The following FCHSD2 variants were observed in gnomAD, a reference collection of about 807,000 sequenced individuals.
FCHSD2 encodes F-BAR and double SH3 domains protein 2.
FCHSD2 carries 38 observed loss-of-function variants against 108.1 expected under a neutral mutation model. The observed-to-expected ratio is 0.35, with a 90% confidence interval of 0.27 to 0.46. The LOEUF (loss-of-function observed/expected upper bound fraction) is 0.46, where lower values mean the gene tolerates loss of function less well. Among genes scored for constraint, FCHSD2 ranks in the 20% least tolerant of loss-of-function variants. FCHSD2 has a pLI of 1.00. For missense variants in FCHSD2, 751 were observed against 897.8 expected (o/e 0.84, Z 2.09); for synonymous variants, 279 against 314.7 (o/e 0.89, Z 1.20).
At chr11:73,033,643 GTTAA>G (rs1202716585) in intron 3 of FCHSD2, among the ~76,000 whole-genome samples, 4 of 152,148 alleles carry the variant, frequency 2.6e-5, no homozygotes, top group African/African-American at 7.2e-5. Context: ...ATAAAACTAT[GTTAA>G]TTAAATACTC....
chr11:72,935,813 CAAAT>C (rs923783861), intron 8 of FCHSD2, among the ~76,000 whole-genome samples: 1 of 152,084 alleles, frequency 6.6e-6, no homozygotes, highest in African/African-American at 2.4e-5. Context: ...AAAGAGGAAA[CAAAT>C]AAGGAAGTTT....
At chr11:72,861,644 G>A (rs190337763) in intron 13 of FCHSD2, among the ~76,000 whole-genome samples, 1 of 152,186 alleles carries the variant, frequency 6.6e-6, no homozygotes, top group East Asian at 1.9e-4. Flanking sequence ...ATATAGAAAG[G>A]ATAGGCCGGG....
chr11:72,977,499 C>A (rs1163275127), intron 8 of FCHSD2, among the ~76,000 whole-genome samples: 1 of 152,102 alleles, frequency 6.6e-6, no homozygotes, highest in Admixed American at 6.5e-5. Context: ...AAAAAAAAAT[C>A]TAATAATCTG....
rs80015550 is a variant in FCHSD2 at position 73,088,548 on chromosome 11, C to G, written c.120-4808G>C. ...TATTATAGGCTTCCTTTACTTTCTT[C>G]TTTTGCTTTCCATAATTTCTGGTGT... is the stretch of plus-strand genomic sequence containing the variant. On this transcript the variant is annotated intron_variant, in intron 2 of 19. Coordinates refer to ENST00000409418, the MANE Select transcript of FCHSD2 (RefSeq NM_014824.3). Among the ~76,000 whole-genome samples, 1,491 of 151,964 alleles carry G rather than the reference C, an allele frequency of 9.8e-3. 20 individuals are homozygous for G. The highest frequency in any genetic ancestry group is 0.034 in the African/African-American group (1,419 of 41,426).
At chr11:73,094,843 G>A (rs376612008) in intron 2 of FCHSD2, among the ~76,000 whole-genome samples, 26 of 152,228 alleles carry the variant, frequency 1.7e-4, no homozygotes, top group African/African-American at 5.3e-4. Flanking sequence ...CTAAAATGAT[G>A]ACCTGAGAAT....
At chr11:72,996,640 C>T (rs973600231) in intron 5 of FCHSD2, among the ~76,000 whole-genome samples, 4 of 151,898 alleles carry the variant, frequency 2.6e-5, no homozygotes, top group Non-Finnish European at 1.5e-5. Flanking sequence ...AGAAAATAGT[C>T]AAATTAGAGA....
chr11:73,136,285 A>T (rs1264449182), intron 2 of FCHSD2, among the ~76,000 whole-genome samples: 1 of 152,036 alleles, frequency 6.6e-6, no homozygotes, highest in Non-Finnish European at 1.5e-5. Flanking sequence ...TTTTTCAATG[A>T]TATAAAAACT....
intron 3 of FCHSD2, among the ~76,000 whole-genome samples, chr11:73,020,020 A>G (rs1251797636): frequency 2.0e-5 from 3 of 152,212 alleles, no homozygotes; most frequent in Admixed American, 2.0e-4. Flanking sequence ...AGCATCACTG[A>G]TGCATAATGC....
chr11:72,841,473 G>A lies in FCHSD2; in HGVS notation c.2037C>T (p.Pro679=), dbSNP rs1860942388. The A allele has an allele frequency of 1.9e-6, 3 of 1,611,110 alleles. No homozygotes were observed. The highest frequency in any genetic ancestry group is 1.7e-5 in the Admixed American group (1 of 59,552). The change falls in exon 18 of 20, where the codon CCC becomes CCT. Residue 679 remains proline (P), a synonymous_variant. Coordinates refer to ENST00000409418, the MANE Select transcript of FCHSD2 (RefSeq NM_014824.3). The part of the protein sequence containing the change: ...SPDKRSSLYF[P]RSPSANEKSL... The stretch of plus-strand genomic sequence containing the variant: ...CCTTACCGTTTGCTGAAGGAGACCG[G>A]GGAAAGTACAGGGAGCTCCTCTTAT...
chr11:72,880,404 C>G (rs552689086), intron 12 of FCHSD2, among the ~76,000 whole-genome samples: 57 of 152,056 alleles, frequency 3.7e-4, no homozygotes, highest in Non-Finnish European at 7.8e-4. Context: ...CAAATACAGA[C>G]ACACAGACCA....
intron 10 of FCHSD2, among the ~76,000 whole-genome samples, chr11:72,896,344 T>TTAGA (rs1855417483): frequency 1.3e-5 from 2 of 152,224 alleles, no homozygotes; most frequent in Non-Finnish European, 2.9e-5. Context: ...TAGATCATAC[T>TTAGA]TATCTAAGTT....
intron 5 of FCHSD2, among the ~76,000 whole-genome samples, chr11:72,990,896 C>T (rs546992185): frequency 5.2e-4 from 79 of 152,190 alleles, no homozygotes; most frequent in Non-Finnish European, 9.1e-4. Context: ...CAAAAAAACC[C>T]TTCACAAAAA....
intron 9 of FCHSD2, among the ~76,000 whole-genome samples, chr11:72,912,284 T>C (rs745896145): frequency 6.6e-6 from 1 of 152,222 alleles, no homozygotes; most frequent in Non-Finnish European, 1.5e-5. Flanking sequence ...GTGGGTCTGT[T>C]ATACATGGCT....
At chr11:72,849,148 C>T (rs952287298) in intron 14 of FCHSD2, among the ~76,000 whole-genome samples, 6 of 152,128 alleles carry the variant, frequency 3.9e-5, no homozygotes, top group Non-Finnish European at 8.8e-5. Context: ...GATAGCCTTC[C>T]GCATTGCCCC....
At chr11:73,021,200 C>A (rs1342540239) in intron 3 of FCHSD2, among the ~76,000 whole-genome samples, 1 of 151,320 alleles carries the variant, frequency 6.6e-6, no homozygotes. Flanking sequence ...TATAAATGAC[C>A]CATCCTATTT....
chr11:73,124,601 C>CA (rs1860810737), intron 2 of FCHSD2, among the ~76,000 whole-genome samples: 1 of 152,006 alleles, frequency 6.6e-6, no homozygotes, highest in African/African-American at 2.4e-5. Context: ...ACTGAAAATA[C>CA]AAAAATTAGC....
chr11:73,026,105 T>G (rs980327230), intron 3 of FCHSD2, among the ~76,000 whole-genome samples: 1 of 152,056 alleles, frequency 6.6e-6, no homozygotes, highest in African/African-American at 2.4e-5. Flanking sequence ...TCTAGAGTAG[T>G]TGGGACTACA....
intron 3 of FCHSD2, among the ~76,000 whole-genome samples, chr11:73,078,102 A>G (rs1424826579): frequency 6.6e-6 from 1 of 152,168 alleles, no homozygotes; most frequent in Admixed American, 6.5e-5. Flanking sequence ...CTCTGTACGT[A>G]TATGTCAATT....
intron 3 of FCHSD2, among the ~76,000 whole-genome samples, chr11:73,052,882 TGTTGC>T (rs1283711097): frequency 6.6e-6 from 1 of 152,186 alleles, no homozygotes; most frequent in Non-Finnish European, 1.5e-5. Context: ...AGTCTCACTC[TGTTGC>T]CCAGACTGGA....
Sources: gnomAD v4.1 joint callset for allele counts (sites outside exome capture counted in the v4.1 genomes callset) on GRCh38, gnomAD v4.1.1 for gene constraint, MANE v1.5 for transcripts, NCBI Gene and HGNC (gene_info 2026-07-23, HGNC 2026-07-21) for gene names.